ELAPOR1: variants seen among roughly 807,000 people sequenced by gnomAD.
ELAPOR1 encodes the protein endosome-lysosome associated apoptosis and autophagy regulator 1, also known as endosome/lysosome-associated apoptosis and autophagy regulator 1.
ELAPOR1 carries 77 observed loss-of-function variants against 119.7 expected under a neutral mutation model. The observed-to-expected ratio is 0.64, with a 90% confidence interval of 0.54 to 0.78. The LOEUF is 0.78. ELAPOR1 is among the 30% of genes least tolerant of loss of function. The probability of loss-of-function intolerance (pLI) is 0.00; values close to 1 mark genes in which losing one functional copy is unlikely to be tolerated. For synonymous variants in ELAPOR1, 481 were observed against 487.2 expected, an observed-to-expected ratio of 0.99 and a Z score of 0.17; for missense variants, 1,115 against 1,270.4, an observed-to-expected ratio of 0.88 and a Z score of 1.86.
chr1:109,135,125 G>T (rs961385711), intron 1 of ELAPOR1, among the ~76,000 whole-genome samples: 12 of 152,162 alleles, frequency 7.9e-5, no homozygotes, highest in Admixed American at 7.2e-4. Flanking sequence ...TTAGAGCAGG[G>T]TTCCCAAACT....
At chr1:109,158,721 T>G (rs1651050204) in intron 1 of ELAPOR1, among the ~76,000 whole-genome samples, 1 of 152,158 alleles carries the variant, frequency 6.6e-6, no homozygotes, top group East Asian at 1.9e-4. Context: ...TGTGCTCCTT[T>G]GTAGACCTGC....
intron 3 of ELAPOR1, among the ~76,000 whole-genome samples, chr1:109,170,444 T>C (rs568181490): frequency 7.2e-5 from 11 of 152,278 alleles, no homozygotes; most frequent in Non-Finnish European, 1.3e-4. Flanking sequence ...AGGGCACCCA[T>C]AGCAGAAGCA....
rs180755580 is a variant in ELAPOR1 at position 109,187,027 on chromosome 1, G to C, written c.1042-1150G>C. Reference sequence around the variant, plus strand: ...CCCCAGCTGTTCCTTGCAGACTTCTGCTTTGTGCCTCATTCCCGCACTGGT... The same window carrying C: ...CCCCAGCTGTTCCTTGCAGACTTCTCCTTTGTGCCTCATTCCCGCACTGGT... On this transcript the variant is annotated intron_variant, in intron 8 of 21. Coordinates refer to ENST00000369939, the MANE Select transcript of ELAPOR1 (RefSeq NM_020775.5). 4.5e-4 allele frequency: 445 copies of C among 985,598 alleles called. 3 individuals are homozygous for C. The highest frequency in any genetic ancestry group is 4.2e-3 in the Middle Eastern group (8 of 1,916). 61.1% of individuals were successfully genotyped at this position (985,598 alleles called of 1,614,324 possible).
intron 3 of ELAPOR1, among the ~76,000 whole-genome samples, chr1:109,165,884 C>T (rs950596997): frequency 1.3e-5 from 2 of 151,012 alleles, no homozygotes; most frequent in Non-Finnish European, 2.9e-5. Context: ...AGCTGGGTTA[C>T]AGGTGTGTGT....
intron 1 of ELAPOR1, among the ~76,000 whole-genome samples, chr1:109,128,021 A>T (rs1348022843): frequency 1.3e-5 from 2 of 151,932 alleles, no homozygotes; most frequent in African/African-American, 4.8e-5. Context: ...TTACAGGCAC[A>T]TGCCACCACA....
intron 1 of ELAPOR1, among the ~76,000 whole-genome samples, chr1:109,150,151 A>G (rs1650438726): frequency 2.0e-5 from 3 of 152,180 alleles, no homozygotes. Context: ...CCTGGCCCAG[A>G]GCGTGGTGAT....
intron 10 of ELAPOR1, 110 bp from the exon 11 acceptor site, chr1:109,189,482 C>G: frequency 1.0e-6 from 1 of 989,114 alleles, no homozygotes; most frequent in Non-Finnish European, 1.6e-6. Flanking sequence ...AGTGGTGGTT[C>G]TGGGCGCCTC....
intron 15 of ELAPOR1, 25 bp downstream of exon 15, chr1:109,194,619 G>A: frequency 6.2e-7 from 1 of 1,607,582 alleles, no homozygotes; most frequent in Non-Finnish European, 8.5e-7. Flanking sequence ...TTGACAGGGT[G>A]AAAATTGAAT....
intron 7 of ELAPOR1, among the ~76,000 whole-genome samples, chr1:109,179,115 A>G (rs949191197): frequency 4.6e-5 from 7 of 151,752 alleles, no homozygotes; most frequent in African/African-American, 1.7e-4. Context: ...AAGTGTGAGC[A>G]AAGGGCCAGG....
chr1:109,168,252 C>T (rs1050458411), intron 3 of ELAPOR1, among the ~76,000 whole-genome samples: 2 of 152,220 alleles, frequency 1.3e-5, no homozygotes, highest in African/African-American at 2.4e-5. Context: ...CTGTTACACT[C>T]TCTTTATCAT....
At chr1:109,145,921 C>A (rs933451728) in intron 1 of ELAPOR1, among the ~76,000 whole-genome samples, 1 of 152,100 alleles carries the variant, frequency 6.6e-6, no homozygotes, top group Non-Finnish European at 1.5e-5. Context: ...GTCCAACTTA[C>A]ATCTAGTGGG....
intron 8 of ELAPOR1, 63 bp from the exon 9 acceptor site, chr1:109,188,114 G>A: frequency 1.9e-6 from 3 of 1,541,776 alleles, no homozygotes; most frequent in South Asian, 2.5e-5. Context: ...TATCCTCAAG[G>A]TAGAGTCCCA....
intron 7 of ELAPOR1, among the ~76,000 whole-genome samples, chr1:109,180,062 G>C (rs1652600792): frequency 6.6e-6 from 1 of 152,186 alleles, no homozygotes; most frequent in African/African-American, 2.4e-5. Context: ...CTAAACTAAG[G>C]TGGAATTAAT....
intron 7 of ELAPOR1, among the ~76,000 whole-genome samples, chr1:109,183,600 C>T (rs1454456057): frequency 2.2e-5 from 3 of 134,628 alleles, no homozygotes; most frequent in African/African-American, 8.2e-5. Flanking sequence ...TTCCTTCCTT[C>T]CTTCCTTCCA....
intron 14 of ELAPOR1, 77 bp from the exon 15 acceptor site, chr1:109,194,344 G>A: frequency 7.2e-7 from 1 of 1,383,378 alleles, no homozygotes; most frequent in Non-Finnish European, 1.0e-6. Context: ...AGACGGGGGA[G>A]AAAACTGCTA....
chr1:109,169,446 G>T (rs1308281324), intron 3 of ELAPOR1, among the ~76,000 whole-genome samples: 1 of 151,740 alleles, frequency 6.6e-6, no homozygotes, highest in Non-Finnish European at 1.5e-5. Flanking sequence ...CACCATGTTG[G>T]TCAGGCTGGT....
chr1:109,194,495 C>G lies in ELAPOR1; in HGVS notation c.2022C>G (p.Ser674=), dbSNP rs751803746. ...TPTRTFNYNF[S]ALANTVTLAG... ...CCAGGACTTTCAACTACAACTTCTC[C>G]GCTTTGGCAAACACTGTCACTCTTG... Residue 674 remains serine, a synonymous_variant, in exon 15 of 22, where the codon TCC becomes TCG. Coordinates refer to ENST00000369939, the MANE Select transcript of ELAPOR1 (RefSeq NM_020775.5). The G allele has an allele frequency of 2.4e-5, 38 of 1,613,712 alleles. No homozygotes were observed. The East Asian group carries it at 8.2e-4, about 35-fold the overall frequency.
chr1:109,125,759 A>T (rs544646073), intron 1 of ELAPOR1, among the ~76,000 whole-genome samples: 17 of 152,340 alleles, frequency 1.1e-4, no homozygotes, highest in South Asian at 8.3e-4. Flanking sequence ...ATGCATCTTC[A>T]TACATAAAAA....
At chr1:109,132,667 C>T (rs1447186576) in intron 1 of ELAPOR1, among the ~76,000 whole-genome samples, 1 of 152,036 alleles carries the variant, frequency 6.6e-6, no homozygotes. Context: ...AGTAATAAGC[C>T]ATGCAAGGGT....
Sources: gnomAD v4.1 joint callset for allele counts (sites outside exome capture counted in the v4.1 genomes callset) on GRCh38, gnomAD v4.1.1 for gene constraint, MANE v1.5 for transcripts, NCBI Gene and HGNC (gene_info 2026-07-23, HGNC 2026-07-21) for gene names.